QRICH1: variants seen among roughly 807,000 people sequenced by gnomAD.
QRICH1 encodes glutamine rich 1, also known as transcriptional regulator QRICH1.
In QRICH1, 16 loss-of-function variants were observed where a neutral mutation model predicts 87.1. The observed-to-expected ratio is 0.18, with a 90% CI of 0.12 to 0.28. The LOEUF is 0.28. QRICH1 is among the 10% of genes least tolerant of loss of function. QRICH1 has a pLI of 1.00. For synonymous variants in QRICH1, 367 were observed against 368.4 expected (o/e 1.00, Z 0.05); for missense variants, 647 against 951.7 (o/e 0.68, Z 4.21).
intron 5 of QRICH1, among the ~76,000 whole-genome samples, chr3:49,046,210 C>A (rs545344039): frequency 6.6e-6 from 1 of 151,160 alleles, no homozygotes; most frequent in African/African-American, 2.4e-5. Context: ...GAGCCACCAG[C>A]GCCCGGCCCC....
At chr3:49,091,723 C>T (rs918880811) in intron 1 of QRICH1, among the ~76,000 whole-genome samples, 9 of 152,128 alleles carry the variant, frequency 5.9e-5, no homozygotes, top group African/African-American at 2.2e-4. Context: ...AAAGGAAGAT[C>T]TCAAGCTTAA....
At chr3:49,068,796 T>A (rs1330191380) in intron 2 of QRICH1, among the ~76,000 whole-genome samples, 1 of 151,416 alleles carries the variant, frequency 6.6e-6, no homozygotes, top group East Asian at 2.0e-4. Flanking sequence ...GCCTGGCCAA[T>A]TTTTTGTATT....
intron 2 of QRICH1, among the ~76,000 whole-genome samples, chr3:49,063,836 G>C (rs1346727384): frequency 1.3e-5 from 2 of 152,124 alleles, no homozygotes; most frequent in South Asian, 2.1e-4. Context: ...AGACCCAAAA[G>C]AACTTGTTTA....
chr3:49,085,140 C>T (rs928166928), intron 1 of QRICH1, among the ~76,000 whole-genome samples: 3 of 150,240 alleles, frequency 2.0e-5, no homozygotes, highest in African/African-American at 7.3e-5. Flanking sequence ...AAGACTCCGT[C>T]TCAAAAAAAA....
chr3:49,052,189 C>T (rs2093374881), intron 3 of QRICH1, among the ~76,000 whole-genome samples: 1 of 152,054 alleles, frequency 6.6e-6, no homozygotes, highest in Non-Finnish European at 1.5e-5. Context: ...ACCAACATGG[C>T]TTGTTGATGA....
intron 3 of QRICH1, among the ~76,000 whole-genome samples, chr3:49,048,864 A>AGTG (rs1334608892): frequency 2.0e-5 from 3 of 150,280 alleles, no homozygotes; most frequent in Admixed American, 2.0e-4. Context: ...TGTAAGGTAG[A>AGTG]GGCACATTGT....
chr3:49,030,830 AAATGTTGGGTTACTTCCCCTC>A (rs750647530), intron 9 of QRICH1, among the ~76,000 whole-genome samples, 186 bp from the exon 10 acceptor site: 12 of 151,994 alleles, frequency 7.9e-5, no homozygotes, highest in Non-Finnish European at 1.8e-4. Flanking sequence ...CAAATCCCCC[AAATGTTGGGTTACTTCCCCTC>A]TGCCCCTCCT....
intron 6 of QRICH1, among the ~76,000 whole-genome samples, chr3:49,039,618 C>CAAAAAAAAAAAAAAAAA (rs899570014): frequency 6.1e-5 from 1 of 16,352 alleles, no homozygotes; most frequent in Non-Finnish European, 1.3e-4. Flanking sequence ...GACTCCATCT[C>CAAAAAAAAAAAAAAAAA]AAAAAAAAAA....
At chr3:49,089,500 A>G (rs1206548328) in intron 1 of QRICH1, among the ~76,000 whole-genome samples, 1 of 152,198 alleles carries the variant, frequency 6.6e-6, no homozygotes, top group African/African-American at 2.4e-5. Context: ...ACCCATCAGT[A>G]TATATGAAGG....
intron 6 of QRICH1, 100 bp downstream of exon 6, chr3:49,044,290 T>G (rs2093327399): frequency 1.1e-6 from 1 of 898,548 alleles, no homozygotes; most frequent in Non-Finnish European, 1.7e-6. Flanking sequence ...GGGATTTATA[T>G]CCCCCCTCAC....
intron 3 of QRICH1, among the ~76,000 whole-genome samples, chr3:49,048,782 TG>T (rs2093353419): frequency 7.5e-6 from 1 of 132,788 alleles, no homozygotes; most frequent in Admixed American, 7.8e-5. Flanking sequence ...AGTGAGACTC[TG>T]TTCACAAAAA....
Position 49,057,839 on chromosome 3 carries a change from G to A in QRICH1, c.361C>T (p.Pro121Ser), listed in dbSNP as rs1451009787. The A allele has an allele frequency of 6.2e-7, 1 of 1,613,980 alleles. No homozygotes were observed. The highest frequency in any genetic ancestry group is 8.5e-7 in the Non-Finnish European group (1 of 1,180,038). Residue 121 changes from proline to serine, a missense_variant, in exon 3 of 10, where the codon CCA becomes TCA. By Grantham distance (74) the Pro-to-Ser change is moderately conservative. This residue lies in a region of QRICH1 where 156 missense variants were observed against 164.5 expected (regional missense o/e 0.95). Coordinates refer to ENST00000395443, the MANE Select transcript of QRICH1 (RefSeq NM_198880.3). This position sits in a 1 kb window ranked among gnomAD's most constrained non-coding sequence, Gnocchi z 5.4. ...GTAGGCTGGTGAACGGTGAGTTGTG[G>A]GGAGAGCTGAGCCGAGACCTGTTGC... ...SPQQVSAQLS[P>S]QLTVHQPTEQ...
chr3:49,065,364 C>T (rs2093461582), intron 2 of QRICH1, among the ~76,000 whole-genome samples: 1 of 152,242 alleles, frequency 6.6e-6, no homozygotes, highest in South Asian at 2.1e-4. Context: ...AGGCTGTTCT[C>T]GAACGCCTGA....
chr3:49,061,112 G>A (rs1278637585), intron 2 of QRICH1, among the ~76,000 whole-genome samples: 1 of 130,172 alleles, frequency 7.7e-6, no homozygotes, highest in Non-Finnish European at 1.6e-5. Context: ...CACAGCCTGG[G>A]TGACAGAGTG....
At chr3:49,050,422 CAAAAA>C (rs552220438) in intron 3 of QRICH1, among the ~76,000 whole-genome samples, 2 of 58,616 alleles carry the variant, frequency 3.4e-5, no homozygotes, top group African/African-American at 8.5e-5. Flanking sequence ...GACTCTGTCT[CAAAAA>C]AAAAAAAAAA....
chr3:49,039,612 C>A (rs1575326807), intron 6 of QRICH1, among the ~76,000 whole-genome samples: 1 of 120,998 alleles, frequency 8.3e-6, no homozygotes, highest in Non-Finnish European at 1.7e-5. Context: ...CACAGAGACT[C>A]CATCTCAAAA....
intron 3 of QRICH1, among the ~76,000 whole-genome samples, chr3:49,048,926 G>C (rs1189003026): frequency 1.3e-5 from 2 of 150,636 alleles, no homozygotes; most frequent in Non-Finnish European, 3.0e-5. Flanking sequence ...CTCTGAGATG[G>C]AGTCTTGCTC....
intron 3 of QRICH1, among the ~76,000 whole-genome samples, chr3:49,050,886 C>T (rs2093366640): frequency 6.6e-6 from 1 of 152,134 alleles, no homozygotes; most frequent in Non-Finnish European, 1.5e-5. Flanking sequence ...ATCCCCTCCT[C>T]CCCACCACCC....
intron 6 of QRICH1, among the ~76,000 whole-genome samples, chr3:49,040,532 A>G (rs2093303994): frequency 6.6e-6 from 1 of 152,140 alleles, no homozygotes; most frequent in South Asian, 2.1e-4. Context: ...TGCAAGCTCC[A>G]TTTTCTTCAC....
Sources: gnomAD v4.1 joint callset for allele counts (sites outside exome capture counted in the v4.1 genomes callset) on GRCh38, gnomAD v4.1.1 for gene constraint, gnomAD v4.1.1 regional missense constraint, Gnocchi (gnomAD v3.1) non-coding constraint, MANE v1.5 for transcripts, NCBI Gene and HGNC (gene_info 2026-07-23, HGNC 2026-07-21) for gene names.